ZNF385D: variants seen among roughly 807,000 people sequenced by gnomAD.
ZNF385D encodes the protein zinc finger protein 659.
A neutral mutation model predicts 35.8 loss-of-function variants in ZNF385D; 15 were observed. The observed-to-expected ratio is 0.42, with a 90% CI of 0.28 to 0.64. The LOEUF is 0.64. ZNF385D is among the 30% of genes least tolerant of loss of function. The pLI is 0.23. For missense variants in ZNF385D, 474 were observed against 494.6 expected, an observed-to-expected ratio of 0.96 and a Z score of 0.39; for synonymous variants, 212 against 186.8, an observed-to-expected ratio of 1.13 and a Z score of -1.10.
rs926380818 is a variant in ZNF385D at position 21,601,143 on chromosome 3, T to C, written c.166-36459A>G. On this transcript the variant is annotated intron_variant, in intron 2 of 7. Coordinates refer to ENST00000281523, the MANE Select transcript of ZNF385D (RefSeq NM_024697.3). ...TCACTTTAATAACAATTAAAAATTA[T>C]TTGAAACTTCACAATTTTAGAAAAC... 7.2e-5 allele frequency among the ~76,000 whole-genome samples: 11 copies of C among 152,338 alleles called. No individual in the cohort carries two copies. In the East Asian group the frequency reaches 2.1e-3, roughly 29 times the overall value.
chr3:21,926,619 TG>T (rs1234080994), intron 3 of ZNF385D, among the ~76,000 whole-genome samples: 2 of 152,012 alleles, frequency 1.3e-5, no homozygotes, highest in Non-Finnish European at 2.9e-5. Context: ...CTTTATAGAT[TG>T]CTTCCTTACA....
At chr3:21,898,673 A>C (rs2125894115) in intron 3 of ZNF385D, among the ~76,000 whole-genome samples, 1 of 152,270 alleles carries the variant, frequency 6.6e-6, no homozygotes, top group Middle Eastern at 3.4e-3. Flanking sequence ...GATTACAAAA[A>C]CAATAGGCCC....
upstream of ZNF385D, among the ~76,000 whole-genome samples, chr3:21,752,224 G>A (rs1042436974): frequency 6.6e-6 from 1 of 152,058 alleles, no homozygotes. Context: ...AACTCATACA[G>A]CAAGTTCCGT....
chr3:22,188,969 T>C (rs976696347), intron 2 of ZNF385D, among the ~76,000 whole-genome samples: 2 of 152,160 alleles, frequency 1.3e-5, no homozygotes, highest in African/African-American at 2.4e-5. Context: ...GAGCAGAGAA[T>C]ATACGCTGAT....
rs1393936564 is a variant in ZNF385D at position 22,242,800 on chromosome 3, T to A, written c.107-73765A>T. ...AGTTTTGAAAAATCTATCATAATTA[T>A]GTAAGATGTTCACATAAGGCAAGCT... is the stretch of plus-strand genomic sequence containing the variant. On this transcript the variant is annotated intron_variant, in intron 2 of 5. Transcript: ENST00000494108. 2.6e-5 allele frequency among the ~76,000 whole-genome samples: 4 copies of A among 151,228 alleles called. 1 individual carries two copies. The highest frequency in any genetic ancestry group is 3.4e-3 in the Middle Eastern group (1 of 294).
At chr3:21,968,141 T>C (rs1479960) in intron 3 of ZNF385D, among the ~76,000 whole-genome samples, 58,567 of 151,794 alleles carry the variant, frequency 0.39, 11,932 homozygotes, top group African/African-American at 0.53. Context: ...CACATTGGAA[T>C]TCAGTGCTGC....
chr3:22,298,985 AG>A (rs1236011913), intron 2 of ZNF385D, among the ~76,000 whole-genome samples: 1 of 151,990 alleles, frequency 6.6e-6, no homozygotes, highest in Non-Finnish European at 1.5e-5. Context: ...GAGAGGATAC[AG>A]GCTGGATTGA....
At chr3:21,877,386 C>T (rs755204829) in intron 3 of ZNF385D, among the ~76,000 whole-genome samples, 2 of 151,970 alleles carry the variant, frequency 1.3e-5, no homozygotes, top group Non-Finnish European at 2.9e-5. Flanking sequence ...AATATATGAC[C>T]CATTCTCTGA....
chr3:21,919,335 A>G (rs28399781), intron 3 of ZNF385D, among the ~76,000 whole-genome samples: 1 of 152,200 alleles, frequency 6.6e-6, no homozygotes, highest in African/African-American at 2.4e-5. Context: ...ACACAATGAC[A>G]ATTATAATGC....
At chr3:22,312,370 C>T (rs911239928) in intron 2 of ZNF385D, among the ~76,000 whole-genome samples, 16 of 152,022 alleles carry the variant, frequency 1.1e-4, no homozygotes, top group African/African-American at 2.2e-4. Flanking sequence ...CAAAATACTC[C>T]GAAACCCCAT....
upstream of ZNF385D, among the ~76,000 whole-genome samples, chr3:21,753,421 C>T (rs1388215341): frequency 6.6e-6 from 1 of 152,136 alleles, no homozygotes; most frequent in Admixed American, 6.5e-5. Flanking sequence ...AATACATCAG[C>T]AGGGAGCATC....
chr3:22,314,723 G>T (rs1274460164), intron 2 of ZNF385D, among the ~76,000 whole-genome samples: 1 of 152,108 alleles, frequency 6.6e-6, no homozygotes, highest in Non-Finnish European at 1.5e-5. Context: ...CATTGAGAAT[G>T]CATGCTCTAG....
chr3:21,737,879 C>T (rs2069322335), intron 1 of ZNF385D, among the ~76,000 whole-genome samples: 1 of 152,312 alleles, frequency 6.6e-6, no homozygotes, highest in Non-Finnish European at 1.5e-5. Context: ...CTATCAGGCA[C>T]AAACTCACAC....
chr3:22,079,541 A>G (rs1358392708), intron 3 of ZNF385D, among the ~76,000 whole-genome samples: 2 of 152,030 alleles, frequency 1.3e-5, no homozygotes, highest in Non-Finnish European at 2.9e-5. Flanking sequence ...TGATTAGGAC[A>G]AAACAAAAAA....
chr3:22,079,997 T>A (rs1700665856), intron 3 of ZNF385D, among the ~76,000 whole-genome samples: 1 of 152,040 alleles, frequency 6.6e-6, no homozygotes. Flanking sequence ...TAAATATATG[T>A]TCAGAGAAAG....
intron 3 of ZNF385D, among the ~76,000 whole-genome samples, chr3:21,993,807 C>G (rs778376420): frequency 6.6e-6 from 1 of 152,128 alleles, no homozygotes; most frequent in African/African-American, 2.4e-5. Flanking sequence ...ATATAGCGTC[C>G]TTACTCATAC....
intron 3 of ZNF385D, among the ~76,000 whole-genome samples, chr3:21,546,236 C>T (rs2062367494): frequency 1.3e-5 from 2 of 152,144 alleles, no homozygotes; most frequent in Admixed American, 1.3e-4. Flanking sequence ...CAATCTCTGG[C>T]TGCAGCTCAG....
intron 3 of ZNF385D, among the ~76,000 whole-genome samples, chr3:21,786,413 T>C (rs1378980330): frequency 6.6e-6 from 1 of 152,186 alleles, no homozygotes; most frequent in Non-Finnish European, 1.5e-5. Context: ...CGTTGTTTGC[T>C]TTGGCATATT....
chr3:21,441,352 A>C (rs1300510453), intron 4 of ZNF385D, among the ~76,000 whole-genome samples: 5 of 152,194 alleles, frequency 3.3e-5, no homozygotes, highest in Non-Finnish European at 7.3e-5. Context: ...TCATAGCAAC[A>C]AAACTGAGGT....
Sources: allele counts gnomAD v4.1 joint callset (sites outside exome capture counted in the v4.1 genomes callset), GRCh38; gene constraint gnomAD v4.1.1; transcripts MANE v1.5; gene names NCBI Gene and HGNC (gene_info 2026-07-23, HGNC 2026-07-21).